Variants in ADGB observed in about 807,000 individuals in gnomAD.
ADGB encodes the protein androglobin.
ADGB carries 172 observed loss-of-function variants against 210.5 expected under a neutral mutation model. The observed-to-expected ratio is 0.82, with a 90% CI of 0.72 to 0.93. The LOEUF is 0.93. Ranked by LOEUF, ADGB falls within the 40% of genes least tolerant of loss-of-function variation. ADGB has a pLI of 0.00. For missense variants in ADGB, 2,025 were observed against 1,964.8 expected, an observed-to-expected ratio of 1.03 and a Z score of -0.58; for synonymous variants, 658 against 662.7, an observed-to-expected ratio of 0.99 and a Z score of 0.11.
chr6:146,634,852 A>T (rs941980706), intron 1 of ADGB, among the ~76,000 whole-genome samples: 6 of 152,066 alleles, frequency 3.9e-5, no homozygotes, highest in Non-Finnish European at 7.4e-5. Flanking sequence ...AGCTTAGTTA[A>T]ATGAAATAAG....
At chr6:146,608,517 TA>T (rs1780662504) in intron 1 of ADGB, among the ~76,000 whole-genome samples, 1 of 152,186 alleles carries the variant, frequency 6.6e-6, no homozygotes, top group Admixed American at 6.6e-5. Flanking sequence ...TTTAGCAATA[TA>T]AAATTCCCTT....
intron 22 of ADGB, 89 bp downstream of exon 22, chr6:146,734,119 A>G (rs1184933210): frequency 1.6e-6 from 2 of 1,247,020 alleles, no homozygotes; most frequent in Non-Finnish European, 2.2e-6. Context: ...GGAGTCCCCC[A>G]CTTTATGGCT....
intron 13 of ADGB, among the ~76,000 whole-genome samples, chr6:146,707,129 T>A (rs562100273): frequency 6.6e-6 from 1 of 152,262 alleles, no homozygotes; most frequent in African/African-American, 2.4e-5. Context: ...TTAGTTTCCA[T>A]GTATTTGTGA....
intron 3 of ADGB, among the ~76,000 whole-genome samples, chr6:146,651,675 T>C (rs1336170397): frequency 6.6e-6 from 1 of 152,160 alleles, no homozygotes; most frequent in Non-Finnish European, 1.5e-5. Flanking sequence ...TAATCGTTCA[T>C]AACTCCACTT....
chr6:146,799,535 GAAAAAA>G (rs35756296), intron 33 of ADGB, among the ~76,000 whole-genome samples: 1 of 93,466 alleles, frequency 1.1e-5, no homozygotes, highest in Non-Finnish European at 2.0e-5. Context: ...TCTGGGGGGA[GAAAAAA>G]AAAAAAAAAA....
rs1216918917 is a variant in ADGB at position 146,741,141 on chromosome 6, A to G, written c.3047A>G (p.Asp1016Gly). Residue 1016 changes from aspartate to glycine, a missense_variant, in exon 25 of 36, where the codon GAC (aspartate) becomes GGC (glycine). Asp to Gly is a moderately conservative substitution (Grantham distance 94). Coordinates refer to ENST00000397944, the MANE Select transcript of ADGB (RefSeq NM_024694.4). ...AGAGAAACATTTTTGGTTCATCAAG[A>G]CATGATTTTGGTTCCCAAAGTATAT... is the stretch of plus-strand genomic sequence containing the variant. ...VFRETFLVHQ[D>G]MILVPKVYTT... The G allele has an allele frequency of 1.3e-6, 2 of 1,532,042 alleles. No homozygotes were observed. Among genetic ancestry groups the G allele is most frequent in the African/African-American group, 1.4e-5 (1 of 72,076 alleles). The allele number at this position is 1,532,042 out of a possible 1,614,324, so 94.9% of individuals were successfully genotyped here. A position where few individuals can be genotyped will look rare whatever the true frequency, so the allele number is the denominator to read the frequency against.
intron 3 of ADGB, among the ~76,000 whole-genome samples, chr6:146,651,605 A>G (rs977356455): frequency 6.6e-6 from 1 of 152,184 alleles, no homozygotes; most frequent in Non-Finnish European, 1.5e-5. Context: ...ATATTTGCCC[A>G]TCTGCAGCTC....
intron 28 of ADGB, among the ~76,000 whole-genome samples, chr6:146,764,950 C>T (rs1165425095): frequency 3.9e-5 from 6 of 151,984 alleles, no homozygotes; most frequent in African/African-American, 1.2e-4. Context: ...CAGGTGCCTG[C>T]CACCACACCT....
At chr6:146,755,392 G>C (rs147124799) in intron 27 of ADGB, among the ~76,000 whole-genome samples, 4 of 152,174 alleles carry the variant, frequency 2.6e-5, no homozygotes, top group East Asian at 1.9e-4. Flanking sequence ...GAGGTGATTA[G>C]ACCATGGGAT....
intron 1 of ADGB, among the ~76,000 whole-genome samples, chr6:146,605,559 T>A (rs1197603608): frequency 6.6e-6 from 1 of 152,176 alleles, no homozygotes; most frequent in Non-Finnish European, 1.5e-5. Context: ...ATGTGTAATT[T>A]AATTGAGTTG....
At chr6:146,788,146 C>T (rs1777904428) in intron 32 of ADGB, among the ~76,000 whole-genome samples, 1 of 152,172 alleles carries the variant, frequency 6.6e-6, no homozygotes, top group African/African-American at 2.4e-5. Context: ...GCTGTCCCAA[C>T]TTCTAAAAGC....
At chr6:146,808,107 C>G (rs1158327866) in intron 35 of ADGB, among the ~76,000 whole-genome samples, 2 of 143,782 alleles carry the variant, frequency 1.4e-5, no homozygotes, top group African/African-American at 5.1e-5. Context: ...TCAAGTGATT[C>G]TCCTGCCTCA....
intron 16 of ADGB, among the ~76,000 whole-genome samples, chr6:146,718,339 T>C (rs1349508183): frequency 5.0e-4 from 54 of 107,350 alleles, no homozygotes; most frequent in African/African-American, 1.9e-3. Flanking sequence ...AGAGTGAGAT[T>C]CCATCTCAAA....
At chr6:146,790,682 T>G (rs926913719) in intron 33 of ADGB, among the ~76,000 whole-genome samples, 1 of 152,236 alleles carries the variant, frequency 6.6e-6, no homozygotes, top group Non-Finnish European at 1.5e-5. Context: ...ACGTACTTAT[T>G]TTAATTCCTT....
At chr6:146,805,923 T>C (rs1211726926) in intron 35 of ADGB, among the ~76,000 whole-genome samples, 1 of 152,260 alleles carries the variant, frequency 6.6e-6, no homozygotes, top group Non-Finnish European at 1.5e-5. Context: ...TTTTTGATTG[T>C]TCTCTGCTAC....
Position 146,733,747 on chromosome 6 carries a change from A to ATGTAATTG in ADGB, c.2657-146_2657-145insTGTAATTG, listed in dbSNP as rs1777038351. 4 of 873,916 alleles carry ATGTAATTG rather than the reference A, an allele frequency of 4.6e-6. No homozygotes were observed. The African/African-American group carries it at 6.9e-5, about 15-fold the overall frequency. The allele number at this position is 873,916 out of a possible 1,614,324, so 54.1% of individuals were successfully genotyped here. A position where few individuals can be genotyped will look rare whatever the true frequency, so the allele number is the denominator to read the frequency against. On this transcript the variant is annotated intron_variant, in intron 21 of 35. Transcript: ENST00000397944. Reference sequence around the variant, plus strand: ...GAATATTTACATTCTAACAAGAACCACCTAGAGCCGGCAATATTAAATATG... The same window carrying ATGTAATTG: ...GAATATTTACATTCTAACAAGAACCATGTAATTGCCTAGAGCCGGCAATATTAAATATG...
intron 7 of ADGB, among the ~76,000 whole-genome samples, chr6:146,672,005 C>T (rs1420581830): frequency 1.3e-5 from 2 of 152,106 alleles, no homozygotes; most frequent in African/African-American, 2.4e-5. Context: ...TGGTTTTGGT[C>T]GCTTTGTATC....
chr6:146,738,878 A>T (rs1447565702), intron 23 of ADGB, among the ~76,000 whole-genome samples: 1 of 152,168 alleles, frequency 6.6e-6, no homozygotes, highest in Non-Finnish European at 1.5e-5. Flanking sequence ...TGTGGGTGAG[A>T]TCTTGCACCC....
At chr6:146,657,941 G>C (rs988297204) in intron 5 of ADGB, among the ~76,000 whole-genome samples, 3 of 152,174 alleles carry the variant, frequency 2.0e-5, no homozygotes, top group African/African-American at 7.2e-5. Context: ...AGCAATGCTA[G>C]ATCATATCAA....
Sources: gnomAD v4.1 joint callset for allele counts (sites outside exome capture counted in the v4.1 genomes callset) on GRCh38, gnomAD v4.1.1 for gene constraint, MANE v1.5 for transcripts, NCBI Gene and HGNC (gene_info 2026-07-23, HGNC 2026-07-21) for gene names.